The following AGBL1 variants were observed in gnomAD, a reference collection of about 807,000 sequenced individuals.
AGBL1 encodes the protein AGBL carboxypeptidase 1.
In AGBL1, 130 loss-of-function variants were observed where a neutral mutation model predicts 118.9. That is an observed-to-expected ratio of 1.09 (90% confidence interval 0.95 to 1.26). AGBL1 has a LOEUF of 1.26. Ranked by LOEUF, AGBL1 falls within the 50% of genes most tolerant of loss-of-function variation. AGBL1 has a pLI of 0.00. For missense variants in AGBL1, 1,584 were observed against 1,298.1 expected (o/e 1.22, Z -3.38); for synonymous variants, 555 against 478.9 (o/e 1.16, Z -2.08).
chr15:86,783,459 A>G (rs953951089), intron 22 of AGBL1, among the ~76,000 whole-genome samples: 1 of 152,136 alleles, frequency 6.6e-6, no homozygotes, highest in African/African-American at 2.4e-5. Flanking sequence ...TCTTCACAGC[A>G]CAAGAACAGG....
At chr15:86,818,274 T>A (rs1233534363) in intron 22 of AGBL1, among the ~76,000 whole-genome samples, 2 of 152,124 alleles carry the variant, frequency 1.3e-5, no homozygotes, top group East Asian at 1.9e-4. Context: ...AACTGTTCTG[T>A]GGCCTGTTAG....
chr15:86,309,782 C>T (rs767641926), intron 17 of AGBL1, among the ~76,000 whole-genome samples: 16 of 152,106 alleles, frequency 1.1e-4, no homozygotes, highest in Non-Finnish European at 1.6e-4. Flanking sequence ...GATAAATCCC[C>T]CTTGATCATG....
chr15:86,291,960 C>A (rs1361122838), intron 16 of AGBL1, among the ~76,000 whole-genome samples: 2 of 152,154 alleles, frequency 1.3e-5, no homozygotes, highest in Non-Finnish European at 2.9e-5. Flanking sequence ...TATAAACATG[C>A]TTCTTATAAT....
At chr15:86,566,079 A>C (rs1424239571) in intron 21 of AGBL1, among the ~76,000 whole-genome samples, 1 of 149,922 alleles carries the variant, frequency 6.7e-6, no homozygotes, top group Non-Finnish European at 1.5e-5. Flanking sequence ...TGCACTTCCC[A>C]GGTGAGGTGA....
At chr15:86,230,740 G>T in intron 6 of AGBL1, among the ~76,000 whole-genome samples, 1 of 152,198 alleles carries the variant, frequency 6.6e-6, no homozygotes, top group East Asian at 1.9e-4. Context: ...TAATTGAAAA[G>T]TTAAAATGTA....
Position 86,098,903 on chromosome 15 carries a change from G to C in AGBL1, c.51+18880G>C, listed in dbSNP as rs370868491. 5.3e-5 allele frequency among the ~76,000 whole-genome samples: 8 copies of C among 152,084 alleles called. No individual in the cohort carries two copies. The East Asian group carries it at 5.8e-4, about 11-fold the overall frequency. On this transcript the variant is annotated intron_variant, in intron 1 of 22. Coordinates refer to ENST00000614907, the MANE Select transcript of AGBL1 (RefSeq NM_001386094.1). Reference sequence around the variant, plus strand: ...TTGAATCTGTAGATTGCTTTGGGTAGTATGGTTGTTTTAACAATATTAATT... The same window carrying C: ...TTGAATCTGTAGATTGCTTTGGGTACTATGGTTGTTTTAACAATATTAATT...
At chr15:86,412,080 G>T (rs1596082374) in intron 18 of AGBL1, among the ~76,000 whole-genome samples, 1 of 152,280 alleles carries the variant, frequency 6.6e-6, no homozygotes, top group South Asian at 2.1e-4. Context: ...GAAAATAGCA[G>T]CATTTAGCAT....
At chr15:86,120,271 A>G (rs906298215) in intron 1 of AGBL1, among the ~76,000 whole-genome samples, 2 of 152,166 alleles carry the variant, frequency 1.3e-5, no homozygotes. Context: ...GCAAAGTTCC[A>G]GTATTCTCTC....
At chr15:86,584,863 A>T (rs2084223407) in intron 21 of AGBL1, among the ~76,000 whole-genome samples, 2 of 152,138 alleles carry the variant, frequency 1.3e-5, no homozygotes, top group Non-Finnish European at 2.9e-5. Context: ...TTCTTTCAGC[A>T]GTGTTTTGTA....
intron 17 of AGBL1, among the ~76,000 whole-genome samples, chr15:86,394,758 C>T (rs994579519): frequency 8.6e-5 from 13 of 152,044 alleles, no homozygotes; most frequent in African/African-American, 1.4e-4. Flanking sequence ...AGAAGAAGGG[C>T]GAAGGACAAG....
At chr15:86,876,662 G>GCTAT (rs1391188404) in intron 22 of AGBL1, among the ~76,000 whole-genome samples, 1 of 152,174 alleles carries the variant, frequency 6.6e-6, no homozygotes, top group Non-Finnish European at 1.5e-5. Flanking sequence ...GCTCTGTCTT[G>GCTAT]CTATCATTCA....
chr15:86,469,897 G>T (rs1170405321), intron 18 of AGBL1, among the ~76,000 whole-genome samples: 2 of 151,810 alleles, frequency 1.3e-5, no homozygotes, highest in African/African-American at 4.8e-5. Context: ...TGTCTATTTA[G>T]GTCCTTTTGC....
At chr15:86,538,158 T>G (rs1395878570) in intron 19 of AGBL1, among the ~76,000 whole-genome samples, 2 of 152,178 alleles carry the variant, frequency 1.3e-5, no homozygotes, top group Non-Finnish European at 2.9e-5. Flanking sequence ...CTCCCCAAAG[T>G]GGCCATTGGA....
intron 1 of AGBL1, among the ~76,000 whole-genome samples, chr15:86,102,777 A>G (rs1165119018): frequency 6.6e-6 from 1 of 152,132 alleles, no homozygotes; most frequent in Non-Finnish European, 1.5e-5. Context: ...ATGTTTTTGA[A>G]TTGTATCTAT....
intron 1 of AGBL1, among the ~76,000 whole-genome samples, chr15:86,115,138 G>A (rs963632604): frequency 3.3e-5 from 5 of 152,114 alleles, no homozygotes; most frequent in African/African-American, 1.2e-4. Context: ...GACCACTTTT[G>A]TTTTCCTAAA....
At chr15:87,008,698 C>A (rs148248700) in intron 24 of AGBL1, among the ~76,000 whole-genome samples, 2 of 152,034 alleles carry the variant, frequency 1.3e-5, no homozygotes, top group East Asian at 3.9e-4. Flanking sequence ...ATGGCTTTGA[C>A]CAAAATGATA....
At chr15:86,101,796 A>G (rs575554358) in intron 1 of AGBL1, among the ~76,000 whole-genome samples, 2 of 152,276 alleles carry the variant, frequency 1.3e-5, no homozygotes, top group Admixed American at 1.3e-4. Context: ...TAGGCAGCAT[A>G]TAGTTCAGTG....
chr15:86,428,579 G>T (rs2142034960), intron 18 of AGBL1, among the ~76,000 whole-genome samples: 1 of 152,252 alleles, frequency 6.6e-6, no homozygotes, highest in South Asian at 2.1e-4. Flanking sequence ...TTTATGAGTT[G>T]ATTTGAGTTC....
At chr15:86,782,075 A>G (rs975691162) in intron 22 of AGBL1, among the ~76,000 whole-genome samples, 3 of 152,102 alleles carry the variant, frequency 2.0e-5, no homozygotes, top group African/African-American at 7.2e-5. Context: ...AAAAGTCACA[A>G]TCTCAAAACG....
Sources: allele counts gnomAD v4.1 joint callset (sites outside exome capture counted in the v4.1 genomes callset), GRCh38; gene constraint gnomAD v4.1.1; transcripts MANE v1.5; gene names NCBI Gene and HGNC (gene_info 2026-07-23, HGNC 2026-07-21).